IQGAP2: variants seen among roughly 807,000 people sequenced by gnomAD.
IQGAP2 encodes IQ motif containing GTPase activating protein 2.
A neutral mutation model predicts 201.3 loss-of-function variants in IQGAP2; 173 were observed. The ratio of observed to expected loss-of-function variants is 0.86; its 90% CI spans 0.76 to 0.98. The LOEUF (loss-of-function observed/expected upper bound fraction) is 0.98, where lower values mean the gene tolerates loss of function less well. Ranked by LOEUF, IQGAP2 falls within the 50% of genes least tolerant of loss-of-function variation. IQGAP2 has a pLI of 0.00. For synonymous variants in IQGAP2, 675 were observed against 673.9 expected (o/e 1.00, Z -0.03); for missense variants, 1,687 against 1,864.8 (o/e 0.90, Z 1.76).
Position 76,422,764 on chromosome 5 carries a change from C to T in IQGAP2, c.46+19173C>T, listed in dbSNP as rs114144136. Reference sequence around the variant, plus strand: ...ACACACAGCTCTAAGAAGTGGGGACCGGCTTCTACACTTTCTGCCAGGTTA... The same window carrying T: ...ACACACAGCTCTAAGAAGTGGGGACTGGCTTCTACACTTTCTGCCAGGTTA... On this transcript the variant is annotated intron_variant, in intron 1 of 35. Coordinates refer to ENST00000274364, the MANE Select transcript of IQGAP2 (RefSeq NM_006633.5). Among the ~76,000 whole-genome samples the T allele has an allele frequency of 7.0e-3, 1,065 of 152,222 alleles. 14 individuals carry two copies. The highest frequency in any genetic ancestry group is 0.024 in the African/African-American group (1,011 of 41,542).
At chr5:76,464,651 T>C (rs1042212500) in intron 2 of IQGAP2, among the ~76,000 whole-genome samples, 5 of 152,210 alleles carry the variant, frequency 3.3e-5, no homozygotes, top group Non-Finnish European at 5.9e-5. Flanking sequence ...AATTATAATA[T>C]TCCAGTATAT....
chr5:76,673,501 A>T lies in IQGAP2; in HGVS notation c.3121A>T (p.Lys1041Ter). ...ACAAGCTCTAACATACCCAGAAGTG[A>T]AAAATAAACTGGAGGCTTCCATTGA... ...TEQALTYPEV[K>*]NKLEASIENL... The change falls in exon 25 of 36, where the codon AAA becomes TAA. Residue 1041 changes from lysine to a stop codon, truncating the protein, a stop_gained. Transcript: ENST00000274364. LOFTEE classifies it high-confidence loss of function. The T allele has an allele frequency of 1.2e-6, 2 of 1,614,122 alleles. No individual in the cohort carries two copies. Among genetic ancestry groups the T allele is most frequent in the Non-Finnish European group, 1.7e-6 (2 of 1,179,958 alleles).
intron 2 of IQGAP2, among the ~76,000 whole-genome samples, chr5:76,465,555 A>T (rs2150129714): frequency 6.6e-6 from 1 of 152,308 alleles, no homozygotes; most frequent in Middle Eastern, 3.4e-3. Context: ...AATAAGCAAA[A>T]GGCATCCAGG....
At chr5:76,507,061 A>G (rs1030461149) in intron 2 of IQGAP2, among the ~76,000 whole-genome samples, 4 of 152,216 alleles carry the variant, frequency 2.6e-5, no homozygotes, top group Non-Finnish European at 2.9e-5. Context: ...AGCCAATACA[A>G]TATTGAAGGA....
chr5:76,570,756 T>C (rs1197887772), intron 4 of IQGAP2, 99 bp downstream of exon 4: 1 of 813,690 alleles, frequency 1.2e-6, no homozygotes, highest in Non-Finnish European at 2.1e-6. Flanking sequence ...GTTATGTTAA[T>C]GTAGAAATGA....
Position 76,673,445 on chromosome 5 carries a change from T to C in IQGAP2, c.3069-4T>C. The C allele has an allele frequency of 6.2e-7, 1 of 1,610,980 alleles. No homozygotes were observed. Among genetic ancestry groups the C allele is most frequent in the Non-Finnish European group, 8.5e-7 (1 of 1,178,972 alleles). On this transcript the variant is annotated splice_polypyrimidine_tract_variant and splice_region_variant and intron_variant, in intron 24 of 35. Coordinates refer to ENST00000274364, the MANE Select transcript of IQGAP2 (RefSeq NM_006633.5). ...CAGTTAATTTAAAGCCTTTGTGTTTTCAGCAAGTTGCCTTATGATGTGACC... is the reference window on the plus strand; with the variant it reads ...CAGTTAATTTAAAGCCTTTGTGTTTCCAGCAAGTTGCCTTATGATGTGACC...
intron 21 of IQGAP2, among the ~76,000 whole-genome samples, chr5:76,663,601 A>G (rs1743464919): frequency 6.6e-6 from 1 of 152,258 alleles, no homozygotes; most frequent in Admixed American, 6.5e-5. Context: ...GAGAGGGTGT[A>G]TGTGTGTTCA....
At position 76,658,855 on chromosome 5, in the gene IQGAP2, G is replaced by A. The variant is rs574067213; in HGVS notation, c.2529+188G>A. On this transcript the variant is annotated intron_variant, in intron 21 of 35. Transcript: ENST00000274364. ...GTCTACTACACATCTAGGCTATATG[G>A]TAAAAAAGCCTACTGCTCCTAGGCT... 4.6e-5 allele frequency among the ~76,000 whole-genome samples: 7 copies of A among 152,228 alleles called. No individual in the cohort carries two copies. The East Asian group carries it at 1.3e-3, about 29-fold the overall frequency.
chr5:76,611,239 GAGA>G, intron 13 of IQGAP2, 56 bp downstream of exon 13: 1 of 1,375,638 alleles, frequency 7.3e-7, no homozygotes, highest in Non-Finnish European at 1.0e-6. Context: ...GGCAGAGGGA[GAGA>G]AGGAGGAGGA....
intron 1 of IQGAP2, among the ~76,000 whole-genome samples, chr5:76,410,353 G>A (rs1431365250): frequency 6.6e-6 from 1 of 152,168 alleles, no homozygotes; most frequent in African/African-American, 2.4e-5. Context: ...CCTGAGGAGA[G>A]TCACCTGATG....
chr5:76,698,950 A>G (rs1747005177), intron 33 of IQGAP2, among the ~76,000 whole-genome samples: 1 of 152,208 alleles, frequency 6.6e-6, no homozygotes, highest in Non-Finnish European at 1.5e-5. Context: ...TAATTCATAT[A>G]TGCATCACCT....
At chr5:76,611,945 C>T (rs10462357) in intron 13 of IQGAP2, among the ~76,000 whole-genome samples, 39,890 of 152,068 alleles carry the variant, frequency 0.26, 5,497 homozygotes, top group South Asian at 0.41. Flanking sequence ...ACTGAAAGGG[C>T]GGTCATCTCC....
At chr5:76,658,009 C>T (rs555892120) in intron 20 of IQGAP2, among the ~76,000 whole-genome samples, 1 of 152,314 alleles carries the variant, frequency 6.6e-6, no homozygotes, top group African/African-American at 2.4e-5. Flanking sequence ...CCGGCTCCTT[C>T]CCAAAGATCC....
At position 76,496,725 on chromosome 5, in the gene IQGAP2, TTTTCTTTCTTTC is replaced by T. The variant is rs774957947; in HGVS notation, c.146+35114_146+35125del. 3.9e-3 allele frequency among the ~76,000 whole-genome samples: 364 copies of T among 93,472 alleles called. 4 individuals are homozygous for T. Among genetic ancestry groups the T allele is most frequent in the South Asian group, 0.014 (35 of 2,462 alleles). The allele number at this position is 93,472 out of a possible 152,430, so 61.3% of individuals were successfully genotyped here. Reference sequence around the variant, plus strand: ...GTCTCTTTCTTTCTTTCTTTCTTTCTTTTCTTTCTTTCTTTCTTTCTTTCTTTCTTTCTTTCT... The same window carrying T: ...GTCTCTTTCTTTCTTTCTTTCTTTCTTTTCTTTCTTTCTTTCTTTCTTTCT... On this transcript the variant is annotated intron_variant, in intron 2 of 35. Transcript: ENST00000274364.
chr5:76,643,991 A>G (rs13170396), intron 17 of IQGAP2, among the ~76,000 whole-genome samples: 15,185 of 152,070 alleles, frequency 0.1, 1,022 homozygotes, highest in Non-Finnish European at 0.15. Context: ...CCGAGATCAC[A>G]CAAGTATTCT....
chr5:76,602,868 A>G (rs893774468), intron 11 of IQGAP2, among the ~76,000 whole-genome samples: 4 of 152,286 alleles, frequency 2.6e-5, no homozygotes, highest in African/African-American at 4.8e-5. Flanking sequence ...TGACAAATTC[A>G]TGCAAAGTCT....
At chr5:76,431,596 G>A (rs1244368403) in intron 1 of IQGAP2, among the ~76,000 whole-genome samples, 1 of 152,016 alleles carries the variant, frequency 6.6e-6, no homozygotes, top group Admixed American at 6.6e-5. Context: ...AGGCCAAGCC[G>A]GGCGGATCAT....
chr5:76,668,797 A>G lies in IQGAP2; in HGVS notation c.2796A>G (p.Glu932=), dbSNP rs752332917. 2 of 1,608,176 alleles carry G rather than the reference A, an allele frequency of 1.2e-6. No individual in the cohort carries two copies. Among genetic ancestry groups the G allele is most frequent in the Admixed American group, 1.7e-5 (1 of 59,496 alleles). ...LYNYASNQRE[E]YLLLKLFKTA... ...ATTATGCCTCTAATCAGCGAGAAGA[A>G]TATCTACTTCTCAAGCTTTTTAAAA... Residue 932 remains glutamate, a synonymous_variant, in exon 23 of 36, where the codon GAA becomes GAG. Coordinates refer to ENST00000274364, the MANE Select transcript of IQGAP2 (RefSeq NM_006633.5).
At chr5:76,409,555 G>A (rs751023330) in intron 1 of IQGAP2, among the ~76,000 whole-genome samples, 1 of 152,124 alleles carries the variant, frequency 6.6e-6, no homozygotes, top group Non-Finnish European at 1.5e-5. Flanking sequence ...CCTTACATGG[G>A]CTTTTCATAG....
Sources: gnomAD v4.1 joint callset for allele counts (sites outside exome capture counted in the v4.1 genomes callset) on GRCh38, gnomAD v4.1.1 for gene constraint, MANE v1.5 for transcripts, NCBI Gene and HGNC (gene_info 2026-07-23, HGNC 2026-07-21) for gene names.